The following RFX6 variants were observed in gnomAD, a reference collection of about 807,000 sequenced individuals.
RFX6 encodes the protein DNA-binding protein RFX6.
RFX6 carries 50 observed loss-of-function variants against 110.8 expected under a neutral mutation model. The ratio of observed to expected loss-of-function variants is 0.45; its 90% confidence interval spans 0.36 to 0.57. The LOEUF (loss-of-function observed/expected upper bound fraction) is 0.57. Ranked by LOEUF, RFX6 falls within the 20% of genes least tolerant of loss-of-function variation. RFX6 has a pLI of 0.00. For missense variants in RFX6, 990 were observed against 1,127.0 expected, an observed-to-expected ratio of 0.88 and a Z score of 1.74; for synonymous variants, 383 against 411.2, an observed-to-expected ratio of 0.93 and a Z score of 0.83.
At chr6:116,911,663 G>A (rs776986452) in intron 7 of RFX6, among the ~76,000 whole-genome samples, 2 of 152,110 alleles carry the variant, frequency 1.3e-5, no homozygotes, top group Admixed American at 6.6e-5. Flanking sequence ...GTCATTTGTC[G>A]GGGATCTGTT....
chr6:116,910,170 T>G (rs1226615626), intron 6 of RFX6, among the ~76,000 whole-genome samples: 2 of 152,130 alleles, frequency 1.3e-5, no homozygotes, highest in African/African-American at 4.8e-5. Context: ...ACAATCTGGT[T>G]TGTTAAAATT....
chr6:116,926,194 T>C (rs1002371301), intron 16 of RFX6, among the ~76,000 whole-genome samples: 1 of 152,090 alleles, frequency 6.6e-6, no homozygotes, highest in African/African-American at 2.4e-5. Context: ...GGCAGGCGCC[T>C]GTACTCTCTC....
intron 8 of RFX6, 36 bp downstream of exon 8, chr6:116,916,121 T>A (rs777306971): frequency 6.4e-7 from 1 of 1,550,872 alleles, no homozygotes; most frequent in East Asian, 2.2e-5. Flanking sequence ...TTGACCCTAT[T>A]ATATATACTT....
intron 2 of RFX6, among the ~76,000 whole-genome samples, chr6:116,879,561 T>C (rs1562130955): frequency 6.6e-6 from 1 of 151,932 alleles, no homozygotes; most frequent in Non-Finnish European, 1.5e-5. Flanking sequence ...GCCTTTATCT[T>C]GTACACATTA....
At chr6:116,897,577 G>A (rs1774977662) in intron 6 of RFX6, among the ~76,000 whole-genome samples, 1 of 152,150 alleles carries the variant, frequency 6.6e-6, no homozygotes, top group Non-Finnish European at 1.5e-5. Context: ...GCCACTAAAG[G>A]GGAATTATGC....
intron 6 of RFX6, among the ~76,000 whole-genome samples, chr6:116,897,402 T>G (rs778076506): frequency 1.3e-4 from 20 of 152,198 alleles, no homozygotes; most frequent in Non-Finnish European, 2.4e-4. Flanking sequence ...CATTGCCAAA[T>G]GTCAACTACT....
Position 116,922,032 on chromosome 6 carries a change from TC to T in RFX6, c.1328-8del, listed in dbSNP as rs763169871. 4.3e-6 allele frequency: 5 copies of T among 1,157,774 alleles called. No homozygotes were observed. Among genetic ancestry groups the T allele is most frequent in the Admixed American group, 1.7e-5 (1 of 57,220 alleles). The allele number at this position is 1,157,774 out of a possible 1,614,324, so 71.7% of individuals were successfully genotyped here. A position where few individuals can be genotyped will look rare whatever the true frequency, so the allele number is the denominator to read the frequency against. On this transcript the variant is annotated splice_polypyrimidine_tract_variant and intron_variant, in intron 12 of 18. Coordinates refer to ENST00000332958, the MANE Select transcript of RFX6 (RefSeq NM_173560.4). Reference sequence around the variant, plus strand: ...TTCTTTTCTTTCTTTTTTTTTTTTTTCCTGGGTAGATGACTCTATCACTGTG... The same window carrying T: ...TTCTTTTCTTTCTTTTTTTTTTTTTTCTGGGTAGATGACTCTATCACTGTG...
chr6:116,897,730 C>T lies in RFX6; in HGVS notation c.672+2523C>T, dbSNP rs115272285. Among the ~76,000 whole-genome samples the T allele has an allele frequency of 3.5e-3, 536 of 152,150 alleles. 3 individuals are homozygous for T. The highest frequency in any genetic ancestry group is 0.012 in the African/African-American group (511 of 41,512). On this transcript the variant is annotated intron_variant, in intron 6 of 18. Transcript: ENST00000332958. ...GAAGATCTGGACCAGAATAATAGCC[C>T]AAGGGATGGAGAGAAGTAACTGATT...
In RFX6 at chr6:116,922,091, T is replaced by C; in HGVS notation, c.1377T>C (p.Asn459=). Residue 459 remains asparagine, a synonymous_variant, in exon 13 of 19, where the codon AAT becomes AAC. Coordinates refer to ENST00000332958, the MANE Select transcript of RFX6 (RefSeq NM_173560.4). ...AACTGAAGGATCTCCTTAAGAAGAA[T>C]GCCACTGTGGAGGCTTTTATTGAAT... ...FQELKDLLKK[N]ATVEAFIEWL... is the part of the protein sequence containing the mutation. 1 of 1,573,072 alleles carries C rather than the reference T, an allele frequency of 6.4e-7. No homozygotes were observed. The highest frequency in any genetic ancestry group is 8.7e-7 in the Non-Finnish European group (1 of 1,143,530).
chr6:116,920,114 A>C lies in RFX6; in HGVS notation c.1183-196A>C, dbSNP rs372943807. Among the ~76,000 whole-genome samples, 66 of 152,316 alleles carry C rather than the reference A, an allele frequency of 4.3e-4. No individual in the cohort carries two copies. In the South Asian group the frequency reaches 0.013, roughly 31 times the overall value. Reference sequence around the variant, plus strand: ...CACCCATTAACTCATCATTTACATTAGGTGTATCTCCTATAATTTTCAGAC... The same window carrying C: ...CACCCATTAACTCATCATTTACATTCGGTGTATCTCCTATAATTTTCAGAC... On this transcript the variant is annotated intron_variant, in intron 11 of 18. Coordinates refer to ENST00000332958, the MANE Select transcript of RFX6 (RefSeq NM_173560.4).
chr6:116,917,960 A>G, intron 9 of RFX6, 77 bp from the exon 10 acceptor site: 1 of 971,594 alleles, frequency 1.0e-6, no homozygotes, highest in Non-Finnish European at 1.6e-6. Flanking sequence ...AGGAATAAAA[A>G]GTAGTTGACC....
intron 6 of RFX6, among the ~76,000 whole-genome samples, chr6:116,906,417 G>T (rs1333266598): frequency 6.6e-6 from 1 of 152,078 alleles, no homozygotes; most frequent in African/African-American, 2.4e-5. Context: ...CACTAGGATT[G>T]CATTGAATCA....
Position 116,925,558 on chromosome 6 carries a change from T to C in RFX6, c.1784T>C (p.Val595Ala), listed in dbSNP as rs1264348731. ...GACGCTGTGAAGAATGAAAGCCACG[T>C]GGAGACAACCTATCTCCCTCTGCCA... Reference protein sequence around the residue: ...SSDAVKNESHVETTYLPLPSS... With the variant: ...SSDAVKNESHAETTYLPLPSS... The change falls in exon 16 of 19, where the codon GTG (valine) becomes GCG (alanine). Residue 595 changes from valine (V) to alanine (A), a missense_variant. Around this residue, in one of 5 missense-constraint regions of RFX6, gnomAD observed 438 missense variants for 441.9 expected, o/e 0.99. Coordinates refer to ENST00000332958, the MANE Select transcript of RFX6 (RefSeq NM_173560.4). The C allele has an allele frequency of 6.2e-7, 1 of 1,613,688 alleles. No individual in the cohort carries two copies. The highest frequency in any genetic ancestry group is 1.7e-5 in the Admixed American group (1 of 60,020).
chr6:116,930,415 G>A (rs1775857854), intron 18 of RFX6, among the ~76,000 whole-genome samples: 3 of 152,168 alleles, frequency 2.0e-5, no homozygotes, highest in Admixed American at 2.0e-4. Context: ...GTGAGGATAT[G>A]GTGGTGATCA....
chr6:116,918,336 T>C lies in RFX6; in HGVS notation c.1022+250T>C, dbSNP rs9489066. On this transcript the variant is annotated intron_variant, in intron 10 of 18. Transcript: ENST00000332958. ...GAAAAATAGATTTAAGCACTGTTGA[T>C]CTTCGAGAAATTTTTCAATGGAAAC... Among the ~76,000 whole-genome samples the C allele has an allele frequency of 0.36, 54,499 of 151,744 alleles. 10,153 individuals carry two copies. The highest frequency in any genetic ancestry group is 0.45 in the African/African-American group (18,618 of 41,412).
At chr6:116,914,071 A>T (rs768964082) in intron 7 of RFX6, among the ~76,000 whole-genome samples, 3 of 152,032 alleles carry the variant, frequency 2.0e-5, no homozygotes, top group Non-Finnish European at 4.4e-5. Flanking sequence ...TCAACTTCTC[A>T]TTATTTTCCT....
At chr6:116,877,775 A>T (rs1463803788) in intron 1 of RFX6, 21 bp from the exon 2 acceptor site, 2 of 1,612,370 alleles carry the variant, frequency 1.2e-6, no homozygotes, top group Non-Finnish European at 1.7e-6. Context: ...TTTCTTTATC[A>T]TCCCTTCAAC....
intron 11 of RFX6, 48 bp downstream of exon 11, chr6:116,919,344 T>C: frequency 6.5e-7 from 1 of 1,535,328 alleles, no homozygotes; most frequent in Non-Finnish European, 9.0e-7. Flanking sequence ...ATATAAAAAA[T>C]GAATCTTCTG....
Position 116,927,132 on chromosome 6 carries a change from G to A in RFX6, c.1991G>A (p.Arg664Lys). 1.2e-6 allele frequency: 2 copies of A among 1,614,124 alleles called. No homozygotes were observed. Among genetic ancestry groups the A allele is most frequent in the Non-Finnish European group, 1.7e-6 (2 of 1,180,024 alleles). Residue 664 changes from arginine to lysine, a missense_variant, in exon 17 of 19, where the codon AGG becomes AAG. Arg to Lys is a conservative substitution (Grantham distance 26, BLOSUM62 2). Transcript: ENST00000332958. ...ATTAACCAAGGACCAATGGCAGGGA[G>A]GCCCCCAAGTGTGGGCCCAGTACTG... ...SVINQGPMAG[R>K]PPSVGPVLSA... is the part of the protein sequence containing the mutation.
Sources: allele counts gnomAD v4.1 joint callset (sites outside exome capture counted in the v4.1 genomes callset), GRCh38; gene constraint gnomAD v4.1.1; regional missense constraint gnomAD v4.1.1; transcripts MANE v1.5; gene names NCBI Gene and HGNC (gene_info 2026-07-23, HGNC 2026-07-21).